Variants in ARL10 observed in about 807,000 individuals in gnomAD.
The protein encoded by ARL10 is ARF like GTPase 10.
A neutral mutation model predicts 26.1 loss-of-function variants in ARL10; 23 were observed. The observed-to-expected ratio is 0.88, with a 90% CI of 0.63 to 1.25. The LOEUF is 1.25. ARL10 is among the 50% of genes most tolerant of loss of function. The pLI is 0.00. For synonymous variants in ARL10, 138 were observed against 149.1 expected (o/e 0.93, Z 0.54); for missense variants, 300 against 323.6 (o/e 0.93, Z 0.56).
At chr5:176,408,280 T>A in the ARL10 span, among the ~76,000 whole-genome samples, 1 of 151,338 alleles carries the variant, frequency 6.6e-6, no homozygotes, top group South Asian at 2.1e-4. Context: ...GTGCCTGTAA[T>A]CCCAGCACTT....
At chr5:176,384,067 C>T, downstream of ARL10, 1 of 1,572,904 alleles carries the variant, frequency 6.4e-7, no homozygotes, top group Non-Finnish European at 8.6e-7. Flanking sequence ...AGAACAGTTC[C>T]TTCCCCAGAG....
At chr5:176,392,562 T>C (rs948916066), downstream of ARL10, 1 of 568,500 alleles carries the variant, frequency 1.8e-6, no homozygotes, top group Non-Finnish European at 3.1e-6. This position sits in a 1 kb window ranked among gnomAD's most constrained non-coding sequence, Gnocchi z 5.2. Context: ...CACAATTGAG[T>C]AGACTGAGAG....
chr5:176,414,681 G>A, the ARL10 span, among the ~76,000 whole-genome samples: 26 of 152,324 alleles, frequency 1.7e-4, no homozygotes, highest in Admixed American at 3.9e-4. Flanking sequence ...AGAGCATGGA[G>A]CCCAGAGTTG....
At chr5:176,398,991 C>A (rs930856502) in intron 1 of ARL10, among the ~76,000 whole-genome samples, 3 of 151,814 alleles carry the variant, frequency 2.0e-5, no homozygotes, top group African/African-American at 7.3e-5. Flanking sequence ...TACAGGCACA[C>A]GTCACGACAC....
the ARL10 span, among the ~76,000 whole-genome samples, chr5:176,406,900 T>C: frequency 6.6e-6 from 1 of 152,164 alleles, no homozygotes; most frequent in Non-Finnish European, 1.5e-5. Flanking sequence ...AACAGAGTCG[T>C]AATGCAAAGC....
chr5:176,389,353 C>T, downstream of ARL10: 6 of 1,613,788 alleles, frequency 3.7e-6, no homozygotes, highest in Non-Finnish European at 5.1e-6. Context: ...CGGCGGCCGC[C>T]CTCACCTACG....
At chr5:176,389,389 C>G, downstream of ARL10, 1 of 1,614,156 alleles carries the variant, frequency 6.2e-7, no homozygotes, top group Non-Finnish European at 8.5e-7. Context: ...ACCGGGGCAA[C>G]AGCCAGCGCT....
intron 1 of ARL10, chr5:176,397,709 G>A: frequency 6.2e-7 from 1 of 1,613,840 alleles, no homozygotes; most frequent in Non-Finnish European, 8.5e-7. Flanking sequence ...CGTGACCTTA[G>A]ATGCAGCATC....
Position 176,375,365 on chromosome 5 carries a change from ATC to A in ARL10, c.*3472_*3473del, listed in dbSNP as rs1768674768. On this transcript the variant is annotated 3_prime_UTR_variant, in exon 4 of 4. Transcript: ENST00000310389. ...CACCCATCCATCCATCCATCCATCCATCTGTGGCTTCTACCTGTGCGAATCTC... is the reference window on the plus strand; with the variant it reads ...CACCCATCCATCCATCCATCCATCCATGTGGCTTCTACCTGTGCGAATCTC... The A allele has an allele frequency of 6.8e-6, 1 of 147,170 alleles. No individual in the cohort carries two copies. The highest frequency in any genetic ancestry group is 1.5e-5 in the Non-Finnish European group (1 of 66,880). The allele number at this position is 147,170 out of a possible 1,614,324, so 9.1% of individuals were successfully genotyped here.
In ARL10 at chr5:176,377,741, AT is replaced by A. The variant is rs1170763078; in HGVS notation, c.*5849del. ...TTTTATAATCTGGATCATCTTGCTCATTTGTGAGGTGCAGAGGTTGTTTTTT... is the reference window on the plus strand; with the variant it reads ...TTTTATAATCTGGATCATCTTGCTCATTGTGAGGTGCAGAGGTTGTTTTTT... On this transcript the variant is annotated 3_prime_UTR_variant, in exon 4 of 4. Coordinates refer to ENST00000310389, the MANE Select transcript of ARL10 (RefSeq NM_173664.6). This position sits in a 1 kb window ranked among gnomAD's most constrained non-coding sequence, Gnocchi z 4.5. The A allele has an allele frequency of 6.6e-6, 1 of 152,136 alleles. No homozygotes were observed. The highest frequency in any genetic ancestry group is 2.4e-5 in the African/African-American group (1 of 41,410). The allele number at this position is 152,136 out of a possible 1,614,324, so 9.4% of individuals were successfully genotyped here. A position where few individuals can be genotyped will look rare whatever the true frequency, so the allele number is the denominator to read the frequency against.
At chr5:176,413,967 A>G in the ARL10 span, among the ~76,000 whole-genome samples, 1 of 152,140 alleles carries the variant, frequency 6.6e-6, no homozygotes, top group African/African-American at 2.4e-5. Context: ...TCTGAGGCCA[A>G]TTTGTGCCCC....
At chr5:176,387,873 G>A (rs2113598294) in intron 1 of ARL10, among the ~76,000 whole-genome samples, 1 of 152,316 alleles carries the variant, frequency 6.6e-6, no homozygotes, top group Non-Finnish European at 1.5e-5. Context: ...TCAGACCAAG[G>A]ATGATTGAAT....
chr5:176,367,383 C>T (rs1384082518), intron 2 of ARL10, among the ~76,000 whole-genome samples: 1 of 152,164 alleles, frequency 6.6e-6, no homozygotes, highest in African/African-American at 2.4e-5. Flanking sequence ...GGCACACCCT[C>T]CTCCACTATT....
intron 3 of ARL10, among the ~76,000 whole-genome samples, chr5:176,369,994 T>C (rs951697642): frequency 1.3e-5 from 2 of 151,026 alleles, no homozygotes; most frequent in Non-Finnish European, 2.9e-5. Context: ...TTGGGACGTG[T>C]AATGCTAAAG....
intron 3 of ARL10, among the ~76,000 whole-genome samples, chr5:176,371,266 T>A (rs1561773931): frequency 6.6e-6 from 1 of 152,120 alleles, no homozygotes; most frequent in Non-Finnish European, 1.5e-5. Flanking sequence ...TCCCAGCTAC[T>A]AGGGAGGCTG....
In ARL10 at chr5:176,377,184, G is replaced by GA. The variant is rs1307492254; in HGVS notation, c.*5296dup. ...GGTTGGCTTTCTTCTTCAGAGATCA[G>GA]AAAAAAATGAAATTCAAAGCCAATG... On this transcript the variant is annotated 3_prime_UTR_variant, in exon 4 of 4. Transcript: ENST00000310389. This position sits in a 1 kb window ranked among gnomAD's most constrained non-coding sequence, Gnocchi z 4.5. The GA allele has an allele frequency of 6.6e-6, 1 of 152,058 alleles. No homozygotes were observed. Among genetic ancestry groups the GA allele is most frequent in the African/African-American group, 2.4e-5 (1 of 41,410 alleles). The allele number at this position is 152,058 out of a possible 1,614,324, so 9.4% of individuals were successfully genotyped here. A position where few individuals can be genotyped will look rare whatever the true frequency, so the allele number is the denominator to read the frequency against.
rs938358632 is a variant in ARL10 at position 176,368,453 on chromosome 5, G to A, written c.386-354G>A. On this transcript the variant is annotated intron_variant, in intron 2 of 3. Coordinates refer to ENST00000310389, the MANE Select transcript of ARL10 (RefSeq NM_173664.6). This position sits in a 1 kb window ranked among gnomAD's most constrained non-coding sequence, Gnocchi z 4.1. Reference sequence around the variant, plus strand: ...TACTGAGCACCTGTGTGTCAGTCCCGTGAAAGGTACATCGCACGTGGTACC... The same window carrying A: ...TACTGAGCACCTGTGTGTCAGTCCCATGAAAGGTACATCGCACGTGGTACC... Among the ~76,000 whole-genome samples the A allele has an allele frequency of 4.6e-5, 7 of 152,076 alleles. No homozygotes were observed. Among genetic ancestry groups the A allele is most frequent in the African/African-American group, 1.4e-4 (6 of 41,402 alleles).
At chr5:176,401,760 G>A (rs1171166153) in exon 2 of ARL10, 13 of 456,086 alleles carry the variant, frequency 2.9e-5, no homozygotes, top group East Asian at 6.9e-5. Flanking sequence ...TGAAAACAGC[G>A]ACACTGAACA....
chr5:176,406,064 G>A (rs757103629), downstream of ARL10: 79 of 756,178 alleles, frequency 1.0e-4, no homozygotes, highest in Non-Finnish European at 1.2e-4. Context: ...ATTATTTCCG[G>A]GCTGCTCAGA....
Sources: allele counts gnomAD v4.1 joint callset (sites outside exome capture counted in the v4.1 genomes callset), GRCh38; gene constraint gnomAD v4.1.1; non-coding constraint Gnocchi (gnomAD v3.1); transcripts MANE v1.5; gene names NCBI Gene and HGNC (gene_info 2026-07-23, HGNC 2026-07-21).